KIF26B: variants seen among roughly 807,000 people sequenced by gnomAD.
KIF26B encodes the protein kinesin family member 26B.
Under a neutral mutation model 151.2 loss-of-function variants are expected in KIF26B, and 63 were observed. The ratio of observed to expected loss-of-function variants is 0.42; its 90% CI spans 0.34 to 0.51. The LOEUF (loss-of-function observed/expected upper bound fraction) is 0.51. Among genes scored for constraint, KIF26B ranks in the 20% least tolerant of loss-of-function variants. The pLI, the probability that KIF26B is intolerant of heterozygous loss-of-function variation, is 0.07. For missense variants in KIF26B, 2,813 were observed against 2,913.6 expected (o/e 0.97, Z 0.79); for synonymous variants, 1,357 against 1,262.1 (o/e 1.08, Z -1.59).
chr1:245,435,561 A>G (rs1250215256), intron 4 of KIF26B, among the ~76,000 whole-genome samples: 2 of 152,204 alleles, frequency 1.3e-5, no homozygotes, highest in Non-Finnish European at 2.9e-5. Context: ...CAACTCTTAG[A>G]ACAGGGGCCA....
At chr1:245,275,298 T>TA (rs1300860800) in intron 2 of KIF26B, among the ~76,000 whole-genome samples, 4 of 152,312 alleles carry the variant, frequency 2.6e-5, no homozygotes, top group African/African-American at 9.6e-5. Flanking sequence ...ACTCTGATGA[T>TA]AGTTTCTTTT....
Position 245,367,448 on chromosome 1 carries a change from C to T in KIF26B, c.999+81C>T. ...AGTAGGCAGCACTTCCTTCCGCTGC[C>T]TCCTCCCGGGAACCCTGTAACTCAG... On this transcript the variant is annotated intron_variant, in intron 3 of 14. Coordinates refer to ENST00000407071, the MANE Select transcript of KIF26B (RefSeq NM_018012.4). The surrounding 1 kb of genome is among the most constrained non-coding windows in gnomAD (Gnocchi z 4.2). 4.7e-6 allele frequency: 6 copies of T among 1,281,706 alleles called. No individual in the cohort carries two copies. The highest frequency in any genetic ancestry group is 5.3e-6 in the Non-Finnish European group (5 of 937,490). 79.4% of individuals were successfully genotyped at this position (1,281,706 alleles called of 1,614,324 possible).
At position 245,568,766 on chromosome 1, in the gene KIF26B, C is replaced by A. The variant is rs151106200; in HGVS notation, c.1350+27816C>A. Among the ~76,000 whole-genome samples, 319 of 152,234 alleles carry A rather than the reference C, an allele frequency of 2.1e-3. 6 individuals are homozygous for A. Among genetic ancestry groups the A allele is most frequent in the African/African-American group, 7.2e-3 (301 of 41,538 alleles). On this transcript the variant is annotated intron_variant, in intron 5 of 14. Transcript: ENST00000407071. ...CATGTTCTGACTCTTCATTTAGTGT[C>A]ACAGCAAGGGTCAAGGATATGGGAA...
chr1:245,661,525 A>C (rs2044138374), intron 10 of KIF26B, among the ~76,000 whole-genome samples: 1 of 151,634 alleles, frequency 6.6e-6, no homozygotes, highest in Non-Finnish European at 1.5e-5. Context: ...ATTATATACA[A>C]TATACACACA....
At chr1:245,588,247 C>G (rs2043248144) in intron 5 of KIF26B, among the ~76,000 whole-genome samples, 1 of 152,154 alleles carries the variant, frequency 6.6e-6, no homozygotes, top group African/African-American at 2.4e-5. Flanking sequence ...TAACCCCCAT[C>G]TGATCTTCCA....
At chr1:245,469,364 A>G (rs902799901) in intron 4 of KIF26B, among the ~76,000 whole-genome samples, 2 of 152,248 alleles carry the variant, frequency 1.3e-5, no homozygotes, top group Non-Finnish European at 2.9e-5. Flanking sequence ...ATTAAAATCA[A>G]GCCATTAACT....
At position 245,495,043 on chromosome 1, in the gene KIF26B, A is replaced by C. The variant is rs536500760; in HGVS notation, c.1167-45724A>C. 6.6e-6 allele frequency among the ~76,000 whole-genome samples: 1 copy of C among 152,298 alleles called. No individual in the cohort carries two copies. Among genetic ancestry groups the C allele is most frequent in the South Asian group, 2.1e-4 (1 of 4,818 alleles). On this transcript the variant is annotated intron_variant, in intron 4 of 14. Coordinates refer to ENST00000407071, the MANE Select transcript of KIF26B (RefSeq NM_018012.4). The surrounding 1 kb of genome is among the most constrained non-coding windows in gnomAD (Gnocchi z 4.2). ...CCTGTCTCACAAAAGAGAAAAGAAA[A>C]GAAAAGAAATAAAGAAAAGAAAAGA...
intron 2 of KIF26B, among the ~76,000 whole-genome samples, chr1:245,198,183 A>C (rs1165443954): frequency 6.6e-6 from 1 of 152,184 alleles, no homozygotes; most frequent in Non-Finnish European, 1.5e-5. Flanking sequence ...GACCTCCAGT[A>C]CTTGTGTTTT....
At chr1:245,369,191 G>GAC (rs199727423) in intron 3 of KIF26B, among the ~76,000 whole-genome samples, 5,301 of 138,240 alleles carry the variant, frequency 0.038, 281 homozygotes, top group African/African-American at 0.14. Context: ...GAGAGAGAGA[G>GAC]AGAGAGACAG....
At chr1:245,673,878 T>C (rs1318334160) in intron 10 of KIF26B, 5 of 152,232 alleles carry the variant, frequency 3.3e-5, no homozygotes, top group African/African-American at 1.2e-4. Context: ...CTGCAGTTTC[T>C]TTCTTCCTGA....
At chr1:245,628,582 C>G (rs568213435) in intron 9 of KIF26B, among the ~76,000 whole-genome samples, 1 of 152,124 alleles carries the variant, frequency 6.6e-6, no homozygotes, top group Non-Finnish European at 1.5e-5. Context: ...CCTCAATAAA[C>G]TAGGTATTGA....
chr1:245,687,775 C>T lies in KIF26B; in HGVS notation c.4792C>T (p.Leu1598=). The T allele has an allele frequency of 6.3e-7, 1 of 1,583,498 alleles. No homozygotes were observed. Among genetic ancestry groups the T allele is most frequent in the Non-Finnish European group, 8.6e-7 (1 of 1,165,488 alleles). Reference sequence around the variant, plus strand: ...GGCTCGGCCCAAAGGGACTCCCCCTCTGCCCCCTGTCCGAAAGTCCAGCCT... The same window carrying T: ...GGCTCGGCCCAAAGGGACTCCCCCTTTGCCCCCTGTCCGAAAGTCCAGCCT... ...VLARPKGTPP[L]PPVRKSSLDQ... The change falls in exon 12 of 15, where the codon CTG becomes TTG. Residue 1598 remains leucine, a synonymous_variant. Coordinates refer to ENST00000407071, the MANE Select transcript of KIF26B (RefSeq NM_018012.4). This position sits in a 1 kb window ranked among gnomAD's most constrained non-coding sequence, Gnocchi z 4.9.
intron 2 of KIF26B, among the ~76,000 whole-genome samples, chr1:245,315,972 A>G (rs1010006759): frequency 2.6e-5 from 4 of 152,114 alleles, no homozygotes; most frequent in African/African-American, 9.7e-5. Context: ...TAATTCCACA[A>G]ATGCAAATAG....
At chr1:245,366,000 A>G (rs114316542) in intron 2 of KIF26B, among the ~76,000 whole-genome samples, 377 of 152,348 alleles carry the variant, frequency 2.5e-3, no homozygotes, top group South Asian at 6.6e-3. Flanking sequence ...TTCCAGTGGT[A>G]CTTAGCACAC....
At chr1:245,444,030 A>G (rs1249117329) in intron 4 of KIF26B, among the ~76,000 whole-genome samples, 3 of 109,206 alleles carry the variant, frequency 2.7e-5, no homozygotes, top group African/African-American at 4.2e-5. Flanking sequence ...CTGTTCATCT[A>G]GAGGAGAGGT....
intron 2 of KIF26B, among the ~76,000 whole-genome samples, chr1:245,314,768 C>T (rs750300406): frequency 9.9e-5 from 15 of 152,198 alleles, no homozygotes; most frequent in Admixed American, 3.3e-4. Flanking sequence ...TCCCAGCACG[C>T]TTCCTCAAGA....
At chr1:245,552,693 A>T (rs1250359024) in intron 5 of KIF26B, among the ~76,000 whole-genome samples, 1 of 150,492 alleles carries the variant, frequency 6.6e-6, no homozygotes, top group East Asian at 2.0e-4. Flanking sequence ...GCTCCCTGCA[A>T]CCTCTGCCTG....
chr1:245,550,169 C>G (rs1661844439), intron 5 of KIF26B, among the ~76,000 whole-genome samples: 1 of 152,148 alleles, frequency 6.6e-6, no homozygotes, highest in African/African-American at 2.4e-5. Context: ...GTGCCACAAC[C>G]AAAGATTCAG....
rs1338275740 is a variant in KIF26B at position 245,687,973 on chromosome 1, A to C, written c.4990A>C (p.Ser1664Arg). ...CAGTGCCAAGCTGGAGCAGCTGGCC[A>C]GCAGAAGCAACTCGCTGGGCAGGGC... is the stretch of plus-strand genomic sequence containing the variant. Reference protein sequence around the residue: ...LFSAKLEQLASRSNSLGRATV... With the variant: ...LFSAKLEQLARRSNSLGRATV... The change falls in exon 12 of 15, where the codon AGC becomes CGC. Residue 1664 changes from serine to arginine, a missense_variant. This residue lies in a region of KIF26B where 2,060 missense variants were observed against 2,088.6 expected (regional missense o/e 0.99). Transcript: ENST00000407071. This position sits in a 1 kb window ranked among gnomAD's most constrained non-coding sequence, Gnocchi z 4.9. 4 of 1,583,122 alleles carry C rather than the reference A, an allele frequency of 2.5e-6. No individual in the cohort carries two copies. The highest frequency in any genetic ancestry group is 3.4e-6 in the Non-Finnish European group (4 of 1,166,508).
Sources: allele counts gnomAD v4.1 joint callset (sites outside exome capture counted in the v4.1 genomes callset), GRCh38; gene constraint gnomAD v4.1.1; regional missense constraint gnomAD v4.1.1; non-coding constraint Gnocchi (gnomAD v3.1); transcripts MANE v1.5; gene names NCBI Gene and HGNC (gene_info 2026-07-23, HGNC 2026-07-21).